The following PRKN variants were observed in gnomAD, a reference collection of about 807,000 sequenced individuals.
PRKN encodes parkin RBR E3 ubiquitin protein ligase.
PRKN carries 56 observed loss-of-function variants against 59.5 expected under a neutral mutation model. That is an observed-to-expected ratio of 0.94 (90% CI 0.76 to 1.18). The LOEUF (loss-of-function observed/expected upper bound fraction) is 1.18. PRKN is among the 50% of genes most tolerant of loss of function. The pLI, the probability that PRKN is intolerant of heterozygous loss-of-function variation, is 0.00. For synonymous variants in PRKN, 250 were observed against 222.1 expected, an observed-to-expected ratio of 1.13 and a Z score of -1.12; for missense variants, 657 against 596.4, an observed-to-expected ratio of 1.10 and a Z score of -1.06.
At chr6:161,741,929 G>T (rs558128973) in intron 7 of PRKN, among the ~76,000 whole-genome samples, 89 of 149,662 alleles carry the variant, frequency 5.9e-4, no homozygotes, top group African/African-American at 2.1e-3. Context: ...TAAGTCTCAT[G>T]AGATCTGATG....
chr6:161,583,191 C>G (rs886152335), intron 7 of PRKN, among the ~76,000 whole-genome samples: 1 of 152,098 alleles, frequency 6.6e-6, no homozygotes, highest in Non-Finnish European at 1.5e-5. Flanking sequence ...TCACTCTGAG[C>G]ACACAGGGCA....
chr6:162,382,223 A>C (rs998150492), intron 2 of PRKN, among the ~76,000 whole-genome samples: 1 of 152,042 alleles, frequency 6.6e-6, no homozygotes, highest in Non-Finnish European at 1.5e-5. Context: ...CAAATCCTTA[A>C]AACCAGGCAA....
chr6:161,678,850 A>C (rs888417519), intron 7 of PRKN, among the ~76,000 whole-genome samples: 5 of 152,096 alleles, frequency 3.3e-5, no homozygotes, highest in Non-Finnish European at 2.9e-5. Context: ...TACAGGCATG[A>C]GCCGCTGTGC....
At chr6:162,556,729 G>C (rs1779618439) in intron 1 of PRKN, among the ~76,000 whole-genome samples, 1 of 138,598 alleles carries the variant, frequency 7.2e-6, no homozygotes, top group Admixed American at 7.6e-5. Flanking sequence ...CCAGGTGACA[G>C]AGCGAGACTC....
intron 1 of PRKN, among the ~76,000 whole-genome samples, chr6:162,584,804 T>A (rs1277655134): frequency 4.8e-4 from 2 of 4,176 alleles, no homozygotes; most frequent in African/African-American, 2.2e-3. Flanking sequence ...TCCCCTCCCC[T>A]CCCCTCCCCT....
chr6:161,891,603 A>T (rs1302318886), intron 6 of PRKN, among the ~76,000 whole-genome samples: 1 of 152,154 alleles, frequency 6.6e-6, no homozygotes, highest in Non-Finnish European at 1.5e-5. Flanking sequence ...TTTGTCTAAC[A>T]TCTCTACACC....
At chr6:162,151,106 C>T (rs1193397295) in intron 4 of PRKN, among the ~76,000 whole-genome samples, 1 of 152,150 alleles carries the variant, frequency 6.6e-6, no homozygotes, top group Non-Finnish European at 1.5e-5. Flanking sequence ...AGAGGCCGTC[C>T]ACAATACTGA....
chr6:161,649,047 TA>T (rs1784059320), intron 7 of PRKN, among the ~76,000 whole-genome samples: 1 of 152,332 alleles, frequency 6.6e-6, no homozygotes, highest in African/African-American at 2.4e-5. Flanking sequence ...CACCTGTAAT[TA>T]TTAGTTTAAT....
intron 9 of PRKN, among the ~76,000 whole-genome samples, chr6:161,505,405 A>T (rs1203198222): frequency 6.6e-6 from 1 of 150,582 alleles, no homozygotes; most frequent in South Asian, 2.1e-4. Flanking sequence ...GTTTGAGTTC[A>T]TTGTAGATTC....
chr6:162,707,720 G>A (rs1778387557), intron 1 of PRKN, among the ~76,000 whole-genome samples: 1 of 152,050 alleles, frequency 6.6e-6, no homozygotes, highest in South Asian at 2.1e-4. Flanking sequence ...GACTACAGGT[G>A]CAAGCCACCA....
intron 6 of PRKN, among the ~76,000 whole-genome samples, chr6:161,923,187 G>T (rs1402558585): frequency 6.6e-6 from 1 of 152,206 alleles, no homozygotes; most frequent in African/African-American, 2.4e-5. Context: ...ATATAAAGTA[G>T]ATTCTGCAGT....
At chr6:161,976,787 T>C (rs577027962) in intron 5 of PRKN, among the ~76,000 whole-genome samples, 2 of 152,342 alleles carry the variant, frequency 1.3e-5, no homozygotes, top group East Asian at 1.9e-4. Flanking sequence ...GGCAGGACTA[T>C]TGAAAAAGTA....
chr6:161,833,553 T>C (rs1215797329), intron 6 of PRKN, among the ~76,000 whole-genome samples: 1 of 152,200 alleles, frequency 6.6e-6, no homozygotes, highest in Non-Finnish European at 1.5e-5. Context: ...CTTATCTCTC[T>C]TCATTGGTGC....
At chr6:161,807,987 T>C (rs182260981) in intron 6 of PRKN, among the ~76,000 whole-genome samples, 29 of 152,346 alleles carry the variant, frequency 1.9e-4, no homozygotes, top group Non-Finnish European at 4.0e-4. Context: ...TGAAGTGATA[T>C]GTCATTTACA....
chr6:161,422,507 C>A (rs376136444), intron 9 of PRKN, among the ~76,000 whole-genome samples: 1 of 152,090 alleles, frequency 6.6e-6, no homozygotes, highest in African/African-American at 2.4e-5. Flanking sequence ...CCAGACAACA[C>A]AAATAAAATC....
At chr6:162,120,309 AT>A (rs1780855556) in intron 4 of PRKN, among the ~76,000 whole-genome samples, 1 of 152,144 alleles carries the variant, frequency 6.6e-6, no homozygotes. Flanking sequence ...TGGCCCATTT[AT>A]TTTTTATAAA....
chr6:162,673,209 A>G (rs1030014612), intron 1 of PRKN, among the ~76,000 whole-genome samples: 1 of 152,202 alleles, frequency 6.6e-6, no homozygotes, highest in Admixed American at 6.5e-5. Context: ...CCTGCCCTGA[A>G]GCCCACATGA....
At chr6:162,614,355 G>A (rs1447473098) in intron 1 of PRKN, among the ~76,000 whole-genome samples, 2 of 151,902 alleles carry the variant, frequency 1.3e-5, no homozygotes, top group African/African-American at 4.8e-5. Flanking sequence ...TCAGGCAAAG[G>A]GCCACATTGT....
intron 6 of PRKN, among the ~76,000 whole-genome samples, chr6:161,970,813 C>T (rs996829305): frequency 2.0e-5 from 3 of 152,312 alleles, no homozygotes; most frequent in East Asian, 3.9e-4. Flanking sequence ...GGTGGGATTA[C>T]AGGCGTGAGC....
Sources: allele counts gnomAD v4.1 joint callset (sites outside exome capture counted in the v4.1 genomes callset), GRCh38; gene constraint gnomAD v4.1.1; transcripts MANE v1.5; gene names NCBI Gene and HGNC (gene_info 2026-07-23, HGNC 2026-07-21).